Variants in PINX1 observed in about 807,000 individuals in gnomAD.
PINX1 encodes the protein PIN2 (TERF1) interacting telomerase inhibitor 1.
Under a neutral mutation model 25.4 loss-of-function variants are expected in PINX1, and 34 were observed. The observed-to-expected ratio is 1.34, with a 90% CI of 1.02 to 1.78. The LOEUF is 1.78. Ranked by LOEUF, PINX1 falls within the 40% of genes most tolerant of loss-of-function variation. The pLI is 0.00. For missense variants in PINX1, 592 were observed against 404.9 expected, an observed-to-expected ratio of 1.46 and a Z score of -3.97; for synonymous variants, 197 against 147.7, an observed-to-expected ratio of 1.33 and a Z score of -2.42.
chr8:10,821,656 G>C (rs1263219528), intron 5 of PINX1, among the ~76,000 whole-genome samples: 3 of 152,232 alleles, frequency 2.0e-5, no homozygotes, highest in Non-Finnish European at 4.4e-5. Flanking sequence ...AAACTCATCG[G>C]AGGTGTAGAG....
At chr8:10,823,329 T>G (rs1434281144) in intron 5 of PINX1, among the ~76,000 whole-genome samples, 2 of 152,152 alleles carry the variant, frequency 1.3e-5, no homozygotes, top group South Asian at 2.1e-4. Context: ...ATTCCCAGGA[T>G]AAAGCTGCAC....
intron 6 of PINX1, among the ~76,000 whole-genome samples, chr8:10,801,717 A>G (rs528689430): frequency 6.6e-6 from 1 of 152,198 alleles, no homozygotes; most frequent in African/African-American, 2.4e-5. Context: ...ACCTTACAGA[A>G]CTACAGCAAA....
In PINX1 at chr8:10,765,377, C is replaced by T. The variant is rs752913623; in HGVS notation, c.*24G>A. The T allele has an allele frequency of 1.3e-5, 20 of 1,557,336 alleles. No individual in the cohort carries two copies. The highest frequency in any genetic ancestry group is 6.7e-5 in the East Asian group (3 of 44,472). On this transcript the variant is annotated 3_prime_UTR_variant, in exon 7 of 7. Coordinates refer to ENST00000314787, the MANE Select transcript of PINX1 (RefSeq NM_017884.6). ...CGCAGTGCCCTGACAGCTGAGTGGT[C>T]GGAAGGCCCCGGCTGGGAAGGATTC...
chr8:10,810,811 G>A (rs1189001397), intron 6 of PINX1, among the ~76,000 whole-genome samples: 1 of 152,170 alleles, frequency 6.6e-6, no homozygotes, highest in Non-Finnish European at 1.5e-5. Context: ...CAAAACTGAC[G>A]CGTTAGGATG....
In PINX1 at chr8:10,766,048, G is replaced by A. The variant is rs1020998609; in HGVS notation, c.472-132C>T. 12 of 815,152 alleles carry A rather than the reference G, an allele frequency of 1.5e-5. No homozygotes were observed. In the South Asian group the frequency reaches 1.5e-4, roughly 10 times the overall value. 50.5% of individuals were successfully genotyped at this position (815,152 alleles called of 1,614,324 possible). A position where few individuals can be genotyped will look rare whatever the true frequency, so the allele number is the denominator to read the frequency against. The stretch of plus-strand genomic sequence containing the variant: ...GCGCTCACACCCGGCACCCACACCC[G>A]GCACTTAGGAGACAAGGCTGAGTGA... On this transcript the variant is annotated intron_variant, in intron 6 of 6. Transcript: ENST00000314787.
At chr8:10,803,079 T>A (rs1802320961) in intron 6 of PINX1, among the ~76,000 whole-genome samples, 1 of 152,160 alleles carries the variant, frequency 6.6e-6, no homozygotes, top group Non-Finnish European at 1.5e-5. Flanking sequence ...ATTAGTAGAT[T>A]AAAAAAACTT....
chr8:10,776,125 G>T (rs530957391), intron 6 of PINX1, among the ~76,000 whole-genome samples: 1 of 152,072 alleles, frequency 6.6e-6, no homozygotes, highest in South Asian at 2.1e-4. Context: ...AAAAGCTTTC[G>T]AGAATAAAAT....
At chr8:10,787,160 A>ATG (rs1269803342) in intron 6 of PINX1, among the ~76,000 whole-genome samples, 3 of 151,870 alleles carry the variant, frequency 2.0e-5, no homozygotes, top group African/African-American at 7.3e-5. Flanking sequence ...TTGATATATT[A>ATG]TATATATAAA....
intron 1 of PINX1, among the ~76,000 whole-genome samples, chr8:10,838,698 A>C (rs1358780712): frequency 6.6e-6 from 1 of 152,216 alleles, no homozygotes; most frequent in Admixed American, 6.5e-5. Context: ...AATAGAACCG[A>C]CGGGTTCAGT....
rs368871048 is a variant in PINX1, at chr8:10,831,695, G to T, written c.271C>A (p.Leu91Met). The T allele has an allele frequency of 3.4e-5, 55 of 1,604,710 alleles. No individual in the cohort carries two copies. The highest frequency in any genetic ancestry group is 4.6e-5 in the Non-Finnish European group (54 of 1,174,564). ...GTTTCCTGCCCATGGCAAGTGTTCA[G>T]TTCGGCCAGAAGCTGGTTAAAATCA... Reference protein sequence around the residue: ...QDDFNQLLAELNTCHGQETTD... With the variant: ...QDDFNQLLAEMNTCHGQETTD... Residue 91 changes from leucine to methionine, a missense_variant, in exon 4 of 7, where the codon CTG (leucine) becomes ATG (methionine). Physicochemically the swap from Leu to Met is conservative, Grantham distance 15. Transcript: ENST00000314787.
At chr8:10,780,063 T>C (rs973050613) in intron 6 of PINX1, among the ~76,000 whole-genome samples, 3 of 152,240 alleles carry the variant, frequency 2.0e-5, no homozygotes, top group Non-Finnish European at 4.4e-5. Context: ...TTTTTGTATG[T>C]TGATCATGTA....
intron 5 of PINX1, 141 bp downstream of exon 5, chr8:10,826,011 A>T: frequency 5.6e-6 from 3 of 539,368 alleles, no homozygotes; most frequent in South Asian, 5.9e-5. Context: ...CAATGCGAAG[A>T]CTCCAGCGCT....
In PINX1 at chr8:10,765,278, G is replaced by A. The variant is rs1304425004; in HGVS notation, c.*123C>T. 3 of 872,502 alleles carry A rather than the reference G, an allele frequency of 3.4e-6. No homozygotes were observed. Among genetic ancestry groups the A allele is most frequent in the Non-Finnish European group, 5.1e-6 (3 of 587,974 alleles). The allele number at this position is 872,502 out of a possible 1,614,324, so 54.0% of individuals were successfully genotyped here. On this transcript the variant is annotated 3_prime_UTR_variant, in exon 7 of 7. Coordinates refer to ENST00000314787, the MANE Select transcript of PINX1 (RefSeq NM_017884.6). ...GAGAGGGCAGGACTCGGCAGCCCAT[G>A]GGCATGCCACAAGATGCGCCCAGGC...
intron 2 of PINX1, 112 bp from the exon 3 acceptor site, chr8:10,833,096 C>G (rs1479204989): frequency 1.8e-5 from 11 of 619,868 alleles, no homozygotes; most frequent in Non-Finnish European, 2.8e-5. Flanking sequence ...GTTGATGATT[C>G]TCTCCATTAA....
At chr8:10,791,301 A>G (rs1801915078) in intron 6 of PINX1, among the ~76,000 whole-genome samples, 1 of 152,168 alleles carries the variant, frequency 6.6e-6, no homozygotes, top group South Asian at 2.1e-4. Flanking sequence ...GTTTTTCAAC[A>G]TCCAGCTGCA....
intron 5 of PINX1, among the ~76,000 whole-genome samples, chr8:10,821,121 G>A (rs1797854393): frequency 6.6e-6 from 1 of 152,228 alleles, no homozygotes. Flanking sequence ...AAAGGCTTGA[G>A]GCTCTGGGCG....
At position 10,839,819 on chromosome 8, in the gene PINX1, G is replaced by C. The variant is rs1248126473; in HGVS notation, c.-63C>G. 39 of 1,493,632 alleles carry C rather than the reference G, an allele frequency of 2.6e-5. 1 individual carries two copies. In the East Asian group the frequency reaches 8.2e-4, roughly 32 times the overall value. 92.5% of individuals were successfully genotyped at this position (1,493,632 alleles called of 1,614,324 possible). ...GTGACTGCGGCCACTGGGCGGGCTG[G>C]AGACTCCAGGAGAATCAGGACGTGC... On this transcript the variant is annotated 5_prime_UTR_variant, in exon 1 of 7. Transcript: ENST00000314787.
chr8:10,808,749 C>T (rs997543493), intron 6 of PINX1, among the ~76,000 whole-genome samples: 3 of 152,170 alleles, frequency 2.0e-5, no homozygotes, highest in African/African-American at 7.2e-5. Context: ...ATCTGATTTT[C>T]ACCTATTGGT....
rs760593360 is a variant in PINX1, at chr8:10,820,242, G to A, written c.422C>T (p.Thr141Ile). Residue 141 changes from threonine to isoleucine, a missense_variant, in exon 6 of 7, where the codon ACA (threonine) becomes ATA (isoleucine). Transcript: ENST00000314787. Reference protein sequence around the residue: ...KGKDLSSRSKTDLDCIFGKRQ... With the variant: ...KGKDLSSRSKIDLDCIFGKRQ... ...TTTCCCAAAAATGCAGTCAAGATCT[G>A]TTTTGCTCCGAGATGACAGATCCTT... 7 of 1,612,542 alleles carry A rather than the reference G, an allele frequency of 4.3e-6. No homozygotes were observed. The highest frequency in any genetic ancestry group is 5.9e-6 in the Non-Finnish European group (7 of 1,178,830).
Sources: gnomAD v4.1 joint callset for allele counts (sites outside exome capture counted in the v4.1 genomes callset) on GRCh38, gnomAD v4.1.1 for gene constraint, MANE v1.5 for transcripts, NCBI Gene and HGNC (gene_info 2026-07-23, HGNC 2026-07-21) for gene names.